Variants in SPAM1 observed in about 807,000 individuals in gnomAD.
SPAM1 encodes hyaluronidase PH-20.
SPAM1 carries 22 observed loss-of-function variants against 29.6 expected under a neutral mutation model. The ratio of observed to expected loss-of-function variants is 0.74; its 90% CI spans 0.53 to 1.06. The LOEUF is 1.06. Among genes scored for constraint, SPAM1 ranks in the 50% least tolerant of loss-of-function variants. The pLI is 0.00. For synonymous variants in SPAM1, 194 were observed against 204.6 expected (o/e 0.95, Z 0.44); for missense variants, 534 against 604.0 (o/e 0.88, Z 1.21).
intron 5 of SPAM1, among the ~76,000 whole-genome samples, chr7:123,969,594 C>T (rs1792471123): frequency 6.6e-6 from 1 of 151,946 alleles, no homozygotes; most frequent in Non-Finnish European, 1.5e-5. Context: ...AATCAGTTGG[C>T]CATAGAAACA....
At chr7:123,940,176 A>G (rs1056584562) in intron 1 of SPAM1, among the ~76,000 whole-genome samples, 3 of 151,862 alleles carry the variant, frequency 2.0e-5, no homozygotes, top group Non-Finnish European at 4.4e-5. Context: ...AAGTGTCACC[A>G]TTGGTCATAA....
At chr7:123,951,261 A>C (rs1396108502) in intron 2 of SPAM1, among the ~76,000 whole-genome samples, 1 of 152,004 alleles carries the variant, frequency 6.6e-6, no homozygotes, top group Non-Finnish European at 1.5e-5. Context: ...TTTTTAGTTT[A>C]ATAAAGTCCA....
chr7:123,950,921 A>AT (rs1411691413), intron 2 of SPAM1, among the ~76,000 whole-genome samples: 2 of 151,540 alleles, frequency 1.3e-5, no homozygotes, highest in East Asian at 1.9e-4. Flanking sequence ...CCATGACAAC[A>AT]TTTTTTTTGA....
At chr7:123,971,211 A>T (rs982270484) in exon 7 of SPAM1, 2 of 152,160 alleles carry the variant, frequency 1.3e-5, no homozygotes, top group African/African-American at 4.8e-5. Context: ...TCCAGAAGAT[A>T]TTTATATAAG....
At chr7:123,942,120 C>G (rs1437296152) in intron 1 of SPAM1, among the ~76,000 whole-genome samples, 1 of 152,116 alleles carries the variant, frequency 6.6e-6, no homozygotes, top group Non-Finnish European at 1.5e-5. Context: ...TTTAAGTTGT[C>G]TAGCTTCAGT....
chr7:123,950,938 A>G (rs971133799), intron 2 of SPAM1, among the ~76,000 whole-genome samples: 7 of 152,060 alleles, frequency 4.6e-5, no homozygotes, highest in Non-Finnish European at 1.0e-4. Flanking sequence ...TTGACTTTTT[A>G]GTAATAGCCA....
At chr7:123,959,369 C>A in intron 4 of SPAM1, 115 bp from the exon 5 acceptor site, 1 of 663,714 alleles carries the variant, frequency 1.5e-6, no homozygotes. Context: ...TCTTCTACTT[C>A]TTGCTATCTC....
intron 5 of SPAM1, among the ~76,000 whole-genome samples, chr7:123,966,692 C>T (rs1421795835): frequency 6.6e-6 from 1 of 151,998 alleles, no homozygotes; most frequent in South Asian, 2.1e-4. Flanking sequence ...ACCACATGTT[C>T]TTCTTACAAA....
chr7:123,956,012 A>G lies in SPAM1; in HGVS notation c.1044+926A>G, dbSNP rs566571403. Reference sequence around the variant, plus strand: ...ACTTATAAATATTTATAAATTCTCCATACTATTTTCTTTTCTTTTTAAAAA... The same window carrying G: ...ACTTATAAATATTTATAAATTCTCCGTACTATTTTCTTTTCTTTTTAAAAA... On this transcript the variant is annotated intron_variant, in intron 4 of 4. Coordinates refer to ENST00000682466, the MANE Select transcript of SPAM1 (RefSeq NM_153189.3). Among the ~76,000 whole-genome samples, 7 of 151,842 alleles carry G rather than the reference A, an allele frequency of 4.6e-5. No homozygotes were observed. In the East Asian group the frequency reaches 7.8e-4, roughly 17 times the overall value.
intron 4 of SPAM1, 87 bp from the exon 5 acceptor site, chr7:123,959,397 T>G (rs1019563452): frequency 6.8e-6 from 6 of 885,028 alleles, no homozygotes; most frequent in Non-Finnish European, 1.0e-5. Context: ...CATTCTTCTG[T>G]AAAAAAATTG....
At chr7:123,969,231 A>G (rs1330515442) in intron 5 of SPAM1, among the ~76,000 whole-genome samples, 1 of 152,050 alleles carries the variant, frequency 6.6e-6, no homozygotes, top group Non-Finnish European at 1.5e-5. Flanking sequence ...TCTCTCACTC[A>G]GCAGGTTATC....
Position 123,954,252 on chromosome 7 carries a change from C to A in SPAM1, c.682C>A (p.His228Asn). 6.2e-7 allele frequency: 1 copy of A among 1,613,084 alleles called. No individual in the cohort carries two copies. The highest frequency in any genetic ancestry group is 1.7e-5 in the Admixed American group (1 of 59,768). The change falls in exon 3 of 5, where the codon CAC becomes AAC. Residue 228 changes from histidine to asparagine, a missense_variant. Physicochemically the swap from His to Asn is moderately conservative, Grantham distance 68. Transcript: ENST00000682466. Reference sequence around the variant, plus strand: ...TCTTTTTCCGGATTGTTACAACCATCACTATAAGAAACCCGGTTACAATGG... The same window carrying A: ...TCTTTTTCCGGATTGTTACAACCATAACTATAAGAAACCCGGTTACAATGG... ...YYLFPDCYNH[H>N]YKKPGYNGSC... is the part of the protein sequence containing the mutation.
chr7:123,954,244 A>G lies in SPAM1; in HGVS notation c.674A>G (p.Tyr225Cys). 1.2e-6 allele frequency: 2 copies of G among 1,613,274 alleles called. No individual in the cohort carries two copies. The highest frequency in any genetic ancestry group is 1.7e-6 in the Non-Finnish European group (2 of 1,179,658). Residue 225 changes from tyrosine to cysteine, a missense_variant, in exon 3 of 5, where the codon TAC becomes TGC. Physicochemically the swap from Tyr to Cys is radical, Grantham distance 194. Coordinates refer to ENST00000682466, the MANE Select transcript of SPAM1 (RefSeq NM_153189.3). The stretch of plus-strand genomic sequence containing the variant: ...GGTTATTATCTTTTTCCGGATTGTT[A>G]CAACCATCACTATAAGAAACCCGGT... Reference protein sequence around the residue: ...LWGYYLFPDCYNHHYKKPGYN... With the variant: ...LWGYYLFPDCCNHHYKKPGYN...
intron 1 of SPAM1, among the ~76,000 whole-genome samples, chr7:123,926,312 A>G (rs900990120): frequency 3.3e-5 from 5 of 152,132 alleles, no homozygotes; most frequent in African/African-American, 1.2e-4. Flanking sequence ...GAGGCCCTCA[A>G]ATTCATTTTT....
rs149210206 is a variant in SPAM1, at chr7:123,959,918, G to C, written c.1479G>C (p.Met493Ile). The part of the protein sequence containing the change: ...NASPSTLSAT[M>I]FIVSILFLII... ...CACCCTCCACACTATCTGCCACAATGTTCATTGTTAGTATTTTGTTTCTTA... is the reference window on the plus strand; with the variant it reads ...CACCCTCCACACTATCTGCCACAATCTTCATTGTTAGTATTTTGTTTCTTA... The change falls in exon 5 of 5, where the codon ATG (methionine) becomes ATC (isoleucine). Residue 493 changes from methionine to isoleucine, a missense_variant. Met to Ile is a conservative substitution (Grantham distance 10). Transcript: ENST00000682466. The C allele has an allele frequency of 6.8e-6, 11 of 1,611,448 alleles. No individual in the cohort carries two copies. In the Admixed American group the frequency reaches 1.8e-4, roughly 27 times the overall value.
At position 123,959,752 on chromosome 7, in the gene SPAM1, A is replaced by G. The variant is rs748333876; in HGVS notation, c.1313A>G (p.Tyr438Cys). ...QFSEKFYCSCYSTLSCKEKAD... is the reference protein window; with the variant it reads ...QFSEKFYCSCCSTLSCKEKAD... Reference sequence around the variant, plus strand: ...TCTGAAAAATTTTATTGCAGCTGTTATAGCACCTTGAGTTGTAAGGAGAAA... The same window carrying G: ...TCTGAAAAATTTTATTGCAGCTGTTGTAGCACCTTGAGTTGTAAGGAGAAA... Residue 438 changes from tyrosine to cysteine, a missense_variant, in exon 5 of 5, where the codon TAT becomes TGT. Transcript: ENST00000682466. 2 of 1,613,306 alleles carry G rather than the reference A, an allele frequency of 1.2e-6. No individual in the cohort carries two copies. Among genetic ancestry groups the G allele is most frequent in the East Asian group, 2.2e-5 (1 of 44,818 alleles).
rs547315916 is a variant in SPAM1, at chr7:123,937,488, C to G, written c.-319+12136C>G. 3.3e-5 allele frequency among the ~76,000 whole-genome samples: 5 copies of G among 150,858 alleles called. No individual in the cohort carries two copies. The South Asian group carries it at 6.3e-4, about 19-fold the overall frequency. Reference sequence around the variant, plus strand: ...TGGTGGCGGGCGCCTGTAGTCCCAGCTACTCGGGAGGCTGAGGCAGGAGAA... The same window carrying G: ...TGGTGGCGGGCGCCTGTAGTCCCAGGTACTCGGGAGGCTGAGGCAGGAGAA... On this transcript the variant is annotated intron_variant, in intron 1 of 4. Transcript: ENST00000682466.
chr7:123,945,543 C>T (rs1392313549), intron 1 of SPAM1, among the ~76,000 whole-genome samples: 1 of 152,148 alleles, frequency 6.6e-6, no homozygotes, highest in Non-Finnish European at 1.5e-5. Flanking sequence ...TATGCAAATA[C>T]AGGAGAGCAG....
rs1792173669 is a variant in SPAM1, at chr7:123,953,767, A to G, written c.197A>G (p.Glu66Gly). 6 of 1,612,922 alleles carry G rather than the reference A, an allele frequency of 3.7e-6. No homozygotes were observed. The highest frequency in any genetic ancestry group is 5.1e-6 in the Non-Finnish European group (6 of 1,179,556). ...GAATTTTGTCTTGGAAAATTTGATG[A>G]GCCACTAGATATGAGCCTCTTCTCT... Reference protein sequence around the residue: ...PSEFCLGKFDEPLDMSLFSFI... With the variant: ...PSEFCLGKFDGPLDMSLFSFI... The change falls in exon 3 of 5, where the codon GAG (glutamate) becomes GGG (glycine). Residue 66 changes from glutamate to glycine, a missense_variant. Glu to Gly is a moderately conservative substitution (Grantham distance 98). Transcript: ENST00000682466.
Sources: gnomAD v4.1 joint callset for allele counts (sites outside exome capture counted in the v4.1 genomes callset) on GRCh38, gnomAD v4.1.1 for gene constraint, MANE v1.5 for transcripts, NCBI Gene and HGNC (gene_info 2026-07-23, HGNC 2026-07-21) for gene names.